The following KCNAB1 variants were observed in gnomAD, a reference collection of about 807,000 sequenced individuals.
The protein encoded by KCNAB1 is voltage-gated potassium channel subunit beta-1.
In KCNAB1, 35 loss-of-function variants were observed where a neutral mutation model predicts 64.6. The ratio of observed to expected loss-of-function variants is 0.54; its 90% confidence interval spans 0.41 to 0.72. The LOEUF (loss-of-function observed/expected upper bound fraction) is 0.72. Among genes scored for constraint, KCNAB1 ranks in the 30% least tolerant of loss-of-function variants. The pLI is 0.00. For missense variants in KCNAB1, 401 were observed against 512.9 expected, an observed-to-expected ratio of 0.78 and a Z score of 2.11; for synonymous variants, 177 against 183.8, an observed-to-expected ratio of 0.96 and a Z score of 0.30.
chr3:156,239,634 A>T (rs575887249), intron 1 of KCNAB1, among the ~76,000 whole-genome samples: 71 of 152,212 alleles, frequency 4.7e-4, no homozygotes, highest in Non-Finnish European at 7.5e-4. Context: ...GTCCTTGGAG[A>T]GCCGACACTC....
intron 8 of KCNAB1, among the ~76,000 whole-genome samples, chr3:156,505,005 CCT>C (rs1232905112): frequency 6.6e-6 from 1 of 151,988 alleles, no homozygotes; most frequent in Non-Finnish European, 1.5e-5. Flanking sequence ...AAGCATTTCC[CCT>C]GTTTTCTTCT....
At chr3:156,389,669 G>A (rs1224299833) in intron 1 of KCNAB1, among the ~76,000 whole-genome samples, 1 of 152,188 alleles carries the variant, frequency 6.6e-6, no homozygotes, top group Non-Finnish European at 1.5e-5. Context: ...GGCCTGCCAG[G>A]TGATTTAGAT....
At chr3:156,527,100 G>A (rs543710314) in intron 12 of KCNAB1, among the ~76,000 whole-genome samples, 6 of 152,268 alleles carry the variant, frequency 3.9e-5, no homozygotes, top group African/African-American at 9.6e-5. Context: ...GCCATGTACC[G>A]TAGTATATGT....
At chr3:156,373,994 A>T (rs765073595) in intron 1 of KCNAB1, among the ~76,000 whole-genome samples, 26 of 152,238 alleles carry the variant, frequency 1.7e-4, no homozygotes, top group Non-Finnish European at 3.1e-4. Flanking sequence ...CCAAATGGCC[A>T]GGGTTAGATT....
intron 8 of KCNAB1, among the ~76,000 whole-genome samples, chr3:156,488,882 C>A (rs1483013968): frequency 1.3e-5 from 2 of 151,996 alleles, no homozygotes; most frequent in Non-Finnish European, 2.9e-5. Context: ...TTAGAGGCAA[C>A]GGAAGTTCCT....
At chr3:156,381,152 C>T (rs776503216) in intron 1 of KCNAB1, among the ~76,000 whole-genome samples, 1 of 151,982 alleles carries the variant, frequency 6.6e-6, no homozygotes, top group Non-Finnish European at 1.5e-5. Flanking sequence ...CAAAAAAGCG[C>T]CCAAAGAGCC....
intron 1 of KCNAB1, among the ~76,000 whole-genome samples, chr3:156,302,325 G>A (rs1721207135): frequency 6.6e-6 from 1 of 152,126 alleles, no homozygotes; most frequent in Non-Finnish European, 1.5e-5. Context: ...AAGGTAATAT[G>A]TGCGCAGTTT....
chr3:156,501,675 AC>A (rs371146846), intron 8 of KCNAB1, among the ~76,000 whole-genome samples: 60 of 151,232 alleles, frequency 4.0e-4, no homozygotes, highest in African/African-American at 1.3e-3. Context: ...CAGGTGATCC[AC>A]CCCCCTCAGC....
intron 1 of KCNAB1, among the ~76,000 whole-genome samples, chr3:156,327,065 C>T (rs951709072): frequency 2.0e-5 from 3 of 152,146 alleles, no homozygotes; most frequent in African/African-American, 7.2e-5. Context: ...AAGTTTACTA[C>T]ACCAAATTAA....
chr3:156,500,285 G>T (rs1319345164), intron 8 of KCNAB1, among the ~76,000 whole-genome samples: 1 of 152,200 alleles, frequency 6.6e-6, no homozygotes, highest in South Asian at 2.1e-4. Flanking sequence ...AGAGTGGAGG[G>T]TTAGACAAAA....
At chr3:156,482,382 A>G (rs765877539) in intron 8 of KCNAB1, among the ~76,000 whole-genome samples, 28 of 152,204 alleles carry the variant, frequency 1.8e-4, no homozygotes, top group Non-Finnish European at 3.5e-4. Flanking sequence ...CAAAAATCCT[A>G]TCCTTAGAAA....
intron 1 of KCNAB1, among the ~76,000 whole-genome samples, chr3:156,167,471 A>G (rs1461662913): frequency 2.0e-5 from 3 of 152,248 alleles, no homozygotes; most frequent in Non-Finnish European, 2.9e-5. Context: ...GTTTTAAGCA[A>G]GAACATTGGG....
chr3:156,337,045 C>T (rs1252399735), intron 1 of KCNAB1, among the ~76,000 whole-genome samples: 1 of 152,148 alleles, frequency 6.6e-6, no homozygotes, highest in African/African-American at 2.4e-5. Flanking sequence ...TTATTGTTAC[C>T]TTATTATCCC....
intron 13 of KCNAB1, among the ~76,000 whole-genome samples, chr3:156,536,013 A>G (rs967530106): frequency 6.6e-6 from 1 of 152,178 alleles, no homozygotes; most frequent in African/African-American, 2.4e-5. Context: ...ATCACTGTAT[A>G]CTATCACTCC....
chr3:156,537,053 G>T lies in KCNAB1; in HGVS notation c.*306G>T, dbSNP rs1719103294. On this transcript the variant is annotated 3_prime_UTR_variant, in exon 14 of 14. Transcript: ENST00000490337. ...CCAGGGGGTGTGGTACTACCTTCAG[G>T]CATTTGGTAACTCAAAGAAGGCTGT... The T allele has an allele frequency of 4.6e-6, 2 of 432,698 alleles. No homozygotes were observed. The highest frequency in any genetic ancestry group is 8.1e-6 in the Non-Finnish European group (2 of 246,836). 26.8% of individuals were successfully genotyped at this position (432,698 alleles called of 1,614,324 possible). A position where few individuals can be genotyped will look rare whatever the true frequency, so the allele number is the denominator to read the frequency against.
At chr3:156,217,751 T>C (rs1432802281) in intron 1 of KCNAB1, among the ~76,000 whole-genome samples, 5 of 152,218 alleles carry the variant, frequency 3.3e-5, no homozygotes, top group African/African-American at 1.2e-4. Flanking sequence ...TGTTATGGTG[T>C]CTCTGGAAAC....
intron 12 of KCNAB1, among the ~76,000 whole-genome samples, chr3:156,524,853 G>A (rs750340713): frequency 5.3e-5 from 8 of 150,560 alleles, no homozygotes; most frequent in African/African-American, 7.3e-5. Context: ...CTCAGTCAAC[G>A]ACGGACAACA....
At chr3:156,361,579 G>A (rs531941897) in intron 1 of KCNAB1, among the ~76,000 whole-genome samples, 7 of 152,280 alleles carry the variant, frequency 4.6e-5, no homozygotes, top group Non-Finnish European at 7.4e-5. Flanking sequence ...CATTGCGATA[G>A]CCCTACTGCC....
chr3:156,212,542 A>T (rs1459163959), intron 1 of KCNAB1, among the ~76,000 whole-genome samples: 1 of 152,200 alleles, frequency 6.6e-6, no homozygotes, highest in Non-Finnish European at 1.5e-5. Flanking sequence ...GTTACTGGCT[A>T]TGTGGGGGAT....
Sources: gnomAD v4.1 joint callset for allele counts (sites outside exome capture counted in the v4.1 genomes callset) on GRCh38, gnomAD v4.1.1 for gene constraint, MANE v1.5 for transcripts, NCBI Gene and HGNC (gene_info 2026-07-23, HGNC 2026-07-21) for gene names.